MAPKAP1: variants seen among roughly 807,000 people sequenced by gnomAD.
MAPKAP1 encodes the protein MAPK associated protein 1.
A neutral mutation model predicts 65.7 loss-of-function variants in MAPKAP1; 20 were observed. The observed-to-expected ratio is 0.30, with a 90% CI of 0.21 to 0.44. MAPKAP1 has a LOEUF of 0.44. MAPKAP1 is among the 20% of genes least tolerant of loss of function. The pLI is 1.00. For missense variants in MAPKAP1, 423 were observed against 648.0 expected (o/e 0.65, Z 3.77); for synonymous variants, 222 against 244.3 (o/e 0.91, Z 0.85).
chr9:125,659,318 A>G (rs977722130), intron 3 of MAPKAP1, among the ~76,000 whole-genome samples: 11 of 152,316 alleles, frequency 7.2e-5, no homozygotes, highest in South Asian at 6.2e-4. Flanking sequence ...AATCCCAAAC[A>G]TAAGTAATGT....
At chr9:125,674,916 T>C (rs896801265) in intron 1 of MAPKAP1, among the ~76,000 whole-genome samples, 5 of 152,186 alleles carry the variant, frequency 3.3e-5, no homozygotes, top group Non-Finnish European at 7.3e-5. Context: ...TTCTGAGATA[T>C]CTGGTCCCTG....
rs1344948347 is a variant in MAPKAP1, at chr9:125,624,896, G to GA, written c.498+32754dup. On this transcript the variant is annotated intron_variant, in intron 4 of 11. Coordinates refer to ENST00000265960, the MANE Select transcript of MAPKAP1 (RefSeq NM_001006617.3). ...GACTTTTCATTTTGTTCTGCACTAA[G>GA]AAAAATTCCTCTGCCTTGGGATCCT... Among the ~76,000 whole-genome samples the GA allele has an allele frequency of 5.9e-5, 5 of 85,208 alleles. No homozygotes were observed. The East Asian group carries it at 2.2e-3, about 37-fold the overall frequency. The allele number at this position is 85,208 out of a possible 152,430, so 55.9% of individuals were successfully genotyped here.
intron 4 of MAPKAP1, among the ~76,000 whole-genome samples, chr9:125,647,880 A>C (rs1374428219): frequency 3.3e-5 from 5 of 151,692 alleles, no homozygotes; most frequent in African/African-American, 1.2e-4. Flanking sequence ...AACATTTGTG[A>C]GGCACACACC....
At chr9:125,676,578 CAG>C (rs1229049665) in intron 1 of MAPKAP1, among the ~76,000 whole-genome samples, 6 of 152,100 alleles carry the variant, frequency 3.9e-5, no homozygotes, top group African/African-American at 1.2e-4. Flanking sequence ...GTCAAACTGA[CAG>C]AAAGTCTAAC....
intron 1 of MAPKAP1, among the ~76,000 whole-genome samples, chr9:125,705,908 A>G (rs1835743803): frequency 6.6e-6 from 1 of 152,202 alleles, no homozygotes; most frequent in South Asian, 2.1e-4. Context: ...GGGTAATTAA[A>G]GAAGGAGACC....
chr9:125,585,845 G>A, intron 4 of MAPKAP1, 118 bp from the exon 5 acceptor site: 11 of 939,246 alleles, frequency 1.2e-5, no homozygotes, highest in Non-Finnish European at 1.7e-5. Context: ...GACCTACTGT[G>A]ACCATGGAAT....
At chr9:125,450,768 C>T (rs949530406) in intron 10 of MAPKAP1, among the ~76,000 whole-genome samples, 2 of 152,168 alleles carry the variant, frequency 1.3e-5, no homozygotes, top group Non-Finnish European at 2.9e-5. Flanking sequence ...TGGGGGAAAC[C>T]GATGGGAACA....
chr9:125,555,195 T>C (rs1363223257), intron 6 of MAPKAP1, among the ~76,000 whole-genome samples: 2 of 152,256 alleles, frequency 1.3e-5, no homozygotes, highest in East Asian at 3.8e-4. Flanking sequence ...GTAGCATTAT[T>C]AAAAAACTCA....
intron 1 of MAPKAP1, among the ~76,000 whole-genome samples, chr9:125,686,326 G>GA (rs1554843291): frequency 7.1e-6 from 1 of 141,244 alleles, no homozygotes; most frequent in East Asian, 2.0e-4. Flanking sequence ...AAAAAAAAAA[G>GA]AAAAGAAAAA....
intron 8 of MAPKAP1, among the ~76,000 whole-genome samples, chr9:125,503,395 G>A (rs1244196583): frequency 1.3e-5 from 2 of 152,202 alleles, no homozygotes; most frequent in African/African-American, 2.4e-5. Context: ...GGGCAAAAGC[G>A]CTCGTAGGCG....
intron 4 of MAPKAP1, among the ~76,000 whole-genome samples, chr9:125,646,263 T>C (rs1399940583): frequency 6.6e-6 from 1 of 152,132 alleles, no homozygotes; most frequent in Non-Finnish European, 1.5e-5. Context: ...GGAGGATCAC[T>C]TGAGCCCAGG....
At chr9:125,590,352 C>T (rs1267115896) in intron 4 of MAPKAP1, among the ~76,000 whole-genome samples, 1 of 152,064 alleles carries the variant, frequency 6.6e-6, no homozygotes, top group East Asian at 1.9e-4. Flanking sequence ...ACTATTGTAA[C>T]AAGAGCTAGC....
chr9:125,523,927 C>T (rs1309565875), intron 7 of MAPKAP1, among the ~76,000 whole-genome samples: 1 of 152,248 alleles, frequency 6.6e-6, no homozygotes, highest in Non-Finnish European at 1.5e-5. Flanking sequence ...CAGAGATTGG[C>T]TCCACCTGTC....
chr9:125,566,257 A>G lies in MAPKAP1; in HGVS notation c.672-6448T>C, dbSNP rs192216133. ...ACAGACACAGTCCAGACTCAAAACT[A>G]TCCTACTACAACTTATAAGACTTCT... On this transcript the variant is annotated intron_variant, in intron 5 of 11. Coordinates refer to ENST00000265960, the MANE Select transcript of MAPKAP1 (RefSeq NM_001006617.3). Among the ~76,000 whole-genome samples, 6 of 152,338 alleles carry G rather than the reference A, an allele frequency of 3.9e-5. No homozygotes were observed. The East Asian group carries it at 9.6e-4, about 24-fold the overall frequency.
chr9:125,640,951 A>T (rs957227521), intron 4 of MAPKAP1, among the ~76,000 whole-genome samples: 5 of 152,254 alleles, frequency 3.3e-5, no homozygotes, highest in African/African-American at 9.6e-5. Flanking sequence ...CTTCTGAAAT[A>T]GTATAAACTC....
chr9:125,605,849 T>G (rs1423694476), intron 4 of MAPKAP1, among the ~76,000 whole-genome samples: 1 of 152,154 alleles, frequency 6.6e-6, no homozygotes, highest in African/African-American at 2.4e-5. Flanking sequence ...AATAAGAAAG[T>G]TGGTTGATTT....
chr9:125,572,530 A>G (rs992315801), intron 5 of MAPKAP1, among the ~76,000 whole-genome samples: 1 of 152,252 alleles, frequency 6.6e-6, no homozygotes, highest in Admixed American at 6.5e-5. Context: ...TACACTTTCT[A>G]CTAAATTCTA....
At chr9:125,579,539 CA>C in intron 5 of MAPKAP1, among the ~76,000 whole-genome samples, 1 of 152,164 alleles carries the variant, frequency 6.6e-6, no homozygotes, top group Non-Finnish European at 1.5e-5. Flanking sequence ...GTGATCCACC[CA>C]CCTCGGCCTC....
intron 7 of MAPKAP1, among the ~76,000 whole-genome samples, chr9:125,509,085 C>T (rs1829226466): frequency 6.6e-6 from 1 of 151,806 alleles, no homozygotes; most frequent in Non-Finnish European, 1.5e-5. Context: ...ACTATAGTTA[C>T]CAACAATGTA....
Sources: allele counts gnomAD v4.1 joint callset (sites outside exome capture counted in the v4.1 genomes callset), GRCh38; gene constraint gnomAD v4.1.1; transcripts MANE v1.5; gene names NCBI Gene and HGNC (gene_info 2026-07-23, HGNC 2026-07-21).